MAML3: variants seen among roughly 807,000 people sequenced by gnomAD.
The protein encoded by MAML3 is mastermind-like protein 3.
In MAML3, 27 loss-of-function variants were observed where a neutral mutation model predicts 101.9. The observed-to-expected ratio is 0.27, with a 90% CI of 0.20 to 0.37. The LOEUF (loss-of-function observed/expected upper bound fraction) is 0.37. Ranked by LOEUF, MAML3 falls within the 10% of genes least tolerant of loss-of-function variation. The pLI is 1.00. For synonymous variants in MAML3, 501 were observed against 555.9 expected (o/e 0.90, Z 1.39); for missense variants, 1,316 against 1,444.9 (o/e 0.91, Z 1.45).
At chr4:139,967,861 A>G (rs534744365) in intron 1 of MAML3, among the ~76,000 whole-genome samples, 2 of 152,020 alleles carry the variant, frequency 1.3e-5, no homozygotes, top group South Asian at 4.1e-4. Flanking sequence ...GTTTCCCAAC[A>G]GACACCCCCA....
rs117250471 is a variant in MAML3 at position 139,825,621 on chromosome 4, C to T, written c.2079+63736G>A. On this transcript the variant is annotated intron_variant, in intron 2 of 4. Coordinates refer to ENST00000509479, the MANE Select transcript of MAML3 (RefSeq NM_018717.5). ...GGTGGTAGCTTCCTCCTGCAAGGCA[C>T]GGAGCACAGGCCAGTGCCATTAGAG... Among the ~76,000 whole-genome samples the T allele has an allele frequency of 1.1e-3, 164 of 152,276 alleles. 1 individual carries two copies. The East Asian group carries it at 0.03, about 27-fold the overall frequency.
In MAML3 at chr4:139,820,041, G is replaced by T. The variant is rs376456825; in HGVS notation, c.2079+69316C>A. 5.3e-5 allele frequency among the ~76,000 whole-genome samples: 8 copies of T among 152,222 alleles called. 1 individual carries two copies. The South Asian group carries it at 1.7e-3, about 32-fold the overall frequency. ...CCACCTGTAGTATAAAAAAGAAATT[G>T]CCTCCCTTATCCATATGACTGCCAC... On this transcript the variant is annotated intron_variant, in intron 2 of 4. Coordinates refer to ENST00000509479, the MANE Select transcript of MAML3 (RefSeq NM_018717.5).
chr4:139,754,937 G>C (rs1016314321), intron 2 of MAML3, among the ~76,000 whole-genome samples: 1 of 152,130 alleles, frequency 6.6e-6, no homozygotes, highest in Non-Finnish European at 1.5e-5. Flanking sequence ...AGGCATGGTC[G>C]GCCTCTGTTC....
At chr4:139,847,395 G>A (rs1053103604) in intron 2 of MAML3, among the ~76,000 whole-genome samples, 1 of 152,112 alleles carries the variant, frequency 6.6e-6, no homozygotes, top group South Asian at 2.1e-4. Context: ...AGAGTCACAC[G>A]GAATCCCGCA....
intron 1 of MAML3, among the ~76,000 whole-genome samples, chr4:139,938,733 C>A (rs1733549769): frequency 6.6e-6 from 1 of 152,118 alleles, no homozygotes; most frequent in Admixed American, 6.5e-5. Context: ...TCAATGGAGG[C>A]CACTTTTTCC....
intron 2 of MAML3, among the ~76,000 whole-genome samples, chr4:139,862,308 T>G (rs1413351368): frequency 1.3e-5 from 2 of 152,228 alleles, no homozygotes; most frequent in Admixed American, 1.3e-4. Flanking sequence ...TTTGACATTT[T>G]TTTAAAGACC....
chr4:139,988,020 C>CAAAAAAAAAA (rs71593735), intron 1 of MAML3, among the ~76,000 whole-genome samples: 1 of 31,448 alleles, frequency 3.2e-5, no homozygotes, highest in African/African-American at 1.2e-4. Flanking sequence ...AACTCCGTCT[C>CAAAAAAAAAA]AAAAAAAAAA....
chr4:139,742,586 T>C (rs545899807), intron 2 of MAML3, among the ~76,000 whole-genome samples: 1 of 152,326 alleles, frequency 6.6e-6, no homozygotes, highest in African/African-American at 2.4e-5. Context: ...AAACTTTAGG[T>C]GGGGCCTATA....
At chr4:139,821,662 C>G (rs992846113) in intron 2 of MAML3, among the ~76,000 whole-genome samples, 6 of 152,204 alleles carry the variant, frequency 3.9e-5, no homozygotes, top group Admixed American at 3.9e-4. Context: ...AGGAGAACAC[C>G]AGGGAAGCTG....
At chr4:140,045,394 CAA>C (rs3081944) in intron 1 of MAML3, among the ~76,000 whole-genome samples, 20,824 of 99,034 alleles carry the variant, frequency 0.21, 1,617 homozygotes, top group Middle Eastern at 0.31. Context: ...GACTCCAACT[CAA>C]AAAAAAAAAA....
At chr4:139,762,155 G>GT (rs1342581259) in intron 2 of MAML3, among the ~76,000 whole-genome samples, 1 of 152,186 alleles carries the variant, frequency 6.6e-6, no homozygotes, top group Non-Finnish European at 1.5e-5. Flanking sequence ...TTGTGCAATT[G>GT]TATGTTTCAT....
chr4:139,805,031 T>C (rs560388605), intron 2 of MAML3, among the ~76,000 whole-genome samples: 1 of 152,174 alleles, frequency 6.6e-6, no homozygotes, highest in South Asian at 2.1e-4. Context: ...ATACAAAAAT[T>C]AGCCAGGTTA....
intron 2 of MAML3, among the ~76,000 whole-genome samples, chr4:139,803,247 C>A (rs934625189): frequency 6.6e-6 from 1 of 152,006 alleles, no homozygotes; most frequent in Non-Finnish European, 1.5e-5. Context: ...CAGAGTGAGA[C>A]CCTGTCTCAA....
chr4:139,776,308 A>G (rs978813616), intron 2 of MAML3, among the ~76,000 whole-genome samples: 1 of 152,080 alleles, frequency 6.6e-6, no homozygotes, highest in African/African-American at 2.4e-5. Flanking sequence ...AATTAGAGAG[A>G]AATTTGAGAT....
chr4:139,771,912 A>G (rs1729988918), intron 2 of MAML3, among the ~76,000 whole-genome samples: 1 of 150,986 alleles, frequency 6.6e-6, no homozygotes, highest in Non-Finnish European at 1.5e-5. Flanking sequence ...CTTGAAAGAA[A>G]CATCCCACAC....
chr4:140,062,089 T>G (rs750515248), intron 1 of MAML3, among the ~76,000 whole-genome samples: 27 of 152,304 alleles, frequency 1.8e-4, no homozygotes, highest in Non-Finnish European at 3.2e-4. Flanking sequence ...CAGACTTGGT[T>G]ACTTAGGAGC....
At chr4:140,019,861 T>G (rs1726704558) in intron 1 of MAML3, among the ~76,000 whole-genome samples, 1 of 152,238 alleles carries the variant, frequency 6.6e-6, no homozygotes. Flanking sequence ...TTGACCTGAC[T>G]GCCTAATTTA....
intron 1 of MAML3, among the ~76,000 whole-genome samples, chr4:139,914,986 T>C (rs1733000351): frequency 6.9e-6 from 1 of 144,538 alleles, no homozygotes; most frequent in Non-Finnish European, 1.5e-5. Flanking sequence ...ATTTTATGCC[T>C]GCTTAAAACC....
intron 1 of MAML3, among the ~76,000 whole-genome samples, chr4:140,124,723 T>C (rs1385476909): frequency 1.3e-5 from 2 of 152,236 alleles, no homozygotes; most frequent in African/African-American, 4.8e-5. Flanking sequence ...TAGTCTTAAG[T>C]TGGCCCTCCT....
Sources: gnomAD v4.1 joint callset for allele counts (sites outside exome capture counted in the v4.1 genomes callset) on GRCh38, gnomAD v4.1.1 for gene constraint, MANE v1.5 for transcripts, NCBI Gene and HGNC (gene_info 2026-07-23, HGNC 2026-07-21) for gene names.